The following B3GALT1 variants were observed in gnomAD, a reference collection of about 807,000 sequenced individuals.
The protein encoded by B3GALT1 is UDP-Gal:betaGlcNAc beta 1,3-galactosyltransferase, polypeptide 1.
In B3GALT1, 10 loss-of-function variants were observed where a neutral mutation model predicts 23.2. That is an observed-to-expected ratio of 0.43 (90% CI 0.27 to 0.73). The LOEUF is 0.73. Ranked by LOEUF, B3GALT1 falls within the 30% of genes least tolerant of loss-of-function variation. The pLI is 0.21. For synonymous variants in B3GALT1, 156 were observed against 141.5 expected, an observed-to-expected ratio of 1.10 and a Z score of -0.73; for missense variants, 299 against 405.4, an observed-to-expected ratio of 0.74 and a Z score of 2.25.
In B3GALT1 at chr2:167,358,732, A is replaced by G. The variant is rs373678693; in HGVS notation, c.-511+65398A>G. ...ATGTAATGTGATAGGATTTTATTCAATTTTACCTATATGGGTTGCTAATTT... is the reference window on the plus strand; with the variant it reads ...ATGTAATGTGATAGGATTTTATTCAGTTTTACCTATATGGGTTGCTAATTT... On this transcript the variant is annotated intron_variant, in intron 1 of 4. Coordinates refer to ENST00000392690, the MANE Select transcript of B3GALT1 (RefSeq NM_020981.4). 3.3e-5 allele frequency among the ~76,000 whole-genome samples: 5 copies of G among 152,270 alleles called. No individual in the cohort carries two copies. In the East Asian group the frequency reaches 7.7e-4, roughly 24 times the overall value.
intron 4 of B3GALT1, among the ~76,000 whole-genome samples, chr2:167,865,970 C>T (rs1173900938): frequency 6.6e-6 from 1 of 152,090 alleles, no homozygotes; most frequent in Non-Finnish European, 1.5e-5. Flanking sequence ...TCAACCCACC[C>T]TCCCCCATCC....
intron 1 of B3GALT1, among the ~76,000 whole-genome samples, chr2:167,408,723 C>G (rs2617381): frequency 0.95 from 142,648 of 150,810 alleles, 67,724 homozygotes; most frequent in Non-Finnish European, 0.99. Flanking sequence ...AATCGAGAAA[C>G]CAAGCCCATT....
At chr2:167,493,084 A>G (rs1290673789) in intron 2 of B3GALT1, among the ~76,000 whole-genome samples, 1 of 152,220 alleles carries the variant, frequency 6.6e-6, no homozygotes, top group African/African-American at 2.4e-5. Context: ...GCTTTCTGGC[A>G]TGAACTACAG....
At chr2:167,568,926 C>T (rs1361864280) in intron 2 of B3GALT1, among the ~76,000 whole-genome samples, 1 of 151,824 alleles carries the variant, frequency 6.6e-6, no homozygotes, top group Non-Finnish European at 1.5e-5. Flanking sequence ...TGTTTAGATT[C>T]ATTGTTTTGC....
At chr2:167,411,199 T>A (rs1230639145) in intron 1 of B3GALT1, among the ~76,000 whole-genome samples, 1 of 151,482 alleles carries the variant, frequency 6.6e-6, no homozygotes, top group African/African-American at 2.4e-5. Context: ...CAAATGGGAT[T>A]ACATCAAGCT....
At chr2:167,715,225 C>T (rs1309798754) in intron 3 of B3GALT1, 1 of 1,613,868 alleles carries the variant, frequency 6.2e-7, no homozygotes. Flanking sequence ...CTTCTTCAAG[C>T]ACAGCAGCCT....
chr2:167,499,077 G>C (rs1007863300), intron 2 of B3GALT1, among the ~76,000 whole-genome samples: 1 of 152,084 alleles, frequency 6.6e-6, no homozygotes, highest in Admixed American at 6.6e-5. Context: ...TATATTAAAA[G>C]AATTCTGTAG....
chr2:167,588,255 T>C (rs1684613928), intron 2 of B3GALT1, among the ~76,000 whole-genome samples: 1 of 152,164 alleles, frequency 6.6e-6, no homozygotes, highest in African/African-American at 2.4e-5. Context: ...CTAAAAAAAC[T>C]ATGATTACCA....
At chr2:167,745,076 A>G (rs1047562152) in intron 3 of B3GALT1, among the ~76,000 whole-genome samples, 1 of 150,142 alleles carries the variant, frequency 6.7e-6, no homozygotes, top group African/African-American at 2.4e-5. Flanking sequence ...GTCCCTTTAC[A>G]TTTTGAATTA....
intron 1 of B3GALT1, among the ~76,000 whole-genome samples, chr2:167,412,301 A>G (rs961438860): frequency 6.6e-6 from 1 of 152,184 alleles, no homozygotes; most frequent in African/African-American, 2.4e-5. Flanking sequence ...CATGACATCA[A>G]GTAGTAAAAA....
At chr2:167,815,754 G>A (rs1688982289) in intron 3 of B3GALT1, among the ~76,000 whole-genome samples, 1 of 152,184 alleles carries the variant, frequency 6.6e-6, no homozygotes, top group South Asian at 2.1e-4. Flanking sequence ...ATGGAATAAT[G>A]TGCTAGAATA....
chr2:167,344,996 A>G (rs1300693751), intron 1 of B3GALT1, among the ~76,000 whole-genome samples: 2 of 152,216 alleles, frequency 1.3e-5, no homozygotes, highest in African/African-American at 4.8e-5. Context: ...ATCTTGTTAA[A>G]AAATGAAGAA....
At chr2:167,549,686 T>C (rs889629944) in intron 2 of B3GALT1, among the ~76,000 whole-genome samples, 1 of 152,210 alleles carries the variant, frequency 6.6e-6, no homozygotes, top group Non-Finnish European at 1.5e-5. Flanking sequence ...AGACTAAATG[T>C]CATTCAGTGA....
At chr2:167,539,141 G>T (rs377555040) in intron 2 of B3GALT1, among the ~76,000 whole-genome samples, 2 of 152,078 alleles carry the variant, frequency 1.3e-5, no homozygotes, top group East Asian at 3.9e-4. Context: ...TAACAAATAG[G>T]TTAATTTCCT....
rs1699049404 is a variant in B3GALT1, at chr2:167,449,136, G to A, written c.-510-41041G>A. ...TTTTTTTTCTAGTTCTGTGAAGAAT[G>A]ATGATGGCATTTTGATGGGAATTGC... is the stretch of plus-strand genomic sequence containing the variant. On this transcript the variant is annotated intron_variant, in intron 1 of 4. Transcript: ENST00000392690. Among the ~76,000 whole-genome samples, 3 of 152,168 alleles carry A rather than the reference G, an allele frequency of 2.0e-5. No homozygotes were observed. In the South Asian group the frequency reaches 6.2e-4, roughly 32 times the overall value.
intron 3 of B3GALT1, among the ~76,000 whole-genome samples, chr2:167,716,605 T>C (rs551535623): frequency 2.0e-5 from 3 of 152,310 alleles, no homozygotes; most frequent in Middle Eastern, 3.4e-3. Context: ...AAGAAACATA[T>C]AAGAAAGGGT....
intron 4 of B3GALT1, among the ~76,000 whole-genome samples, chr2:167,865,214 G>T (rs968379323): frequency 2.0e-5 from 3 of 151,882 alleles, no homozygotes; most frequent in Non-Finnish European, 4.4e-5. Context: ...TTGGAGACCA[G>T]CCTGGCCAAC....
chr2:167,572,474 A>AT (rs1684311615), intron 2 of B3GALT1, among the ~76,000 whole-genome samples: 1 of 151,808 alleles, frequency 6.6e-6, no homozygotes, highest in African/African-American at 2.4e-5. Context: ...TTTGTTGAGG[A>AT]TTAACTATTC....
intron 1 of B3GALT1, among the ~76,000 whole-genome samples, chr2:167,376,532 C>T (rs1300087492): frequency 6.6e-6 from 1 of 152,066 alleles, no homozygotes; most frequent in African/African-American, 2.4e-5. Flanking sequence ...TGATATTGGC[C>T]TATTTAATGT....
Sources: allele counts gnomAD v4.1 joint callset (sites outside exome capture counted in the v4.1 genomes callset), GRCh38; gene constraint gnomAD v4.1.1; transcripts MANE v1.5; gene names NCBI Gene and HGNC (gene_info 2026-07-23, HGNC 2026-07-21).